The following CRYZ variants were observed in gnomAD, a reference collection of about 807,000 sequenced individuals.
CRYZ encodes the protein crystallin zeta.
In CRYZ, 35 loss-of-function variants were observed where a neutral mutation model predicts 34.1. The ratio of observed to expected loss-of-function variants is 1.03; its 90% confidence interval spans 0.78 to 1.36. The LOEUF (loss-of-function observed/expected upper bound fraction) is 1.36, where lower values mean the gene tolerates loss of function less well. Among genes scored for constraint, CRYZ ranks in the 40% most tolerant of loss-of-function variants. The pLI, the probability that CRYZ is intolerant of heterozygous loss-of-function variation, is 0.00. For missense variants in CRYZ, 403 were observed against 391.8 expected (o/e 1.03, Z -0.24); for synonymous variants, 137 against 136.5 (o/e 1.00, Z -0.03).
chr1:74,717,798 G>A (rs542839123), intron 4 of CRYZ, among the ~76,000 whole-genome samples: 6 of 152,206 alleles, frequency 3.9e-5, no homozygotes, highest in Middle Eastern at 3.4e-3. Flanking sequence ...AGATTCTGCC[G>A]GTCATGGAAT....
intron 5 of CRYZ, among the ~76,000 whole-genome samples, chr1:74,712,141 G>C (rs1647012462): frequency 6.6e-6 from 1 of 152,156 alleles, no homozygotes. Context: ...ATAGACAAAA[G>C]AGCAATTACT....
intron 1 of CRYZ, among the ~76,000 whole-genome samples, chr1:74,731,004 C>T (rs981827145): frequency 1.3e-5 from 2 of 152,168 alleles, no homozygotes; most frequent in Admixed American, 1.3e-4. Context: ...TCCCTAGCAT[C>T]GGATCCTTGT....
chr1:74,722,448 T>C (rs983854619), intron 3 of CRYZ, among the ~76,000 whole-genome samples: 2 of 152,136 alleles, frequency 1.3e-5, no homozygotes, highest in Non-Finnish European at 2.9e-5. Context: ...GAAAGCTGTA[T>C]GAATTTGCCA....
At position 74,706,398 on chromosome 1, in the gene CRYZ, T is replaced by G. The variant is rs1329870631; in HGVS notation, c.888A>C (p.Lys296Asn). The change falls in exon 9 of 9, where the codon AAA becomes AAC. Residue 296 changes from lysine to asparagine, a missense_variant. Transcript: ENST00000340866. ...LQAGMEIGWL[K>N]PVIGSQYPLE... is the part of the protein sequence containing the mutation. ...ATGGATATTGAGAACCTATCACAGG[T>G]TTCAACCAGCCAATTTCCATTCCAG... 1.2e-6 allele frequency: 2 copies of G among 1,612,102 alleles called. No individual in the cohort carries two copies. Among genetic ancestry groups the G allele is most frequent in the South Asian group, 2.2e-5 (2 of 90,724 alleles).
At chr1:74,715,110 C>T (rs1647054362) in intron 4 of CRYZ, among the ~76,000 whole-genome samples, 1 of 152,142 alleles carries the variant, frequency 6.6e-6, no homozygotes, top group Non-Finnish European at 1.5e-5. Context: ...TTTTCTTCTC[C>T]ATGTCTCTGA....
At position 74,706,939 on chromosome 1, in the gene CRYZ, T is replaced by A. The variant is rs1365678163; in HGVS notation, c.788A>T (p.Glu263Val). Residue 263 changes from glutamate to valine, a missense_variant, in exon 8 of 9, where the codon GAG becomes GTG. Coordinates refer to ENST00000340866, the MANE Select transcript of CRYZ (RefSeq NM_001889.4). ...GAGAGTAACTCCAATTATACTCGACTCCTTTGCCATGGTGTCTCGTGGGTT... is the reference window on the plus strand; with the variant it reads ...GAGAGTAACTCCAATTATACTCGACACCTTTGCCATGGTGTCTCGTGGGTT... ...EINPRDTMAK[E>V]SSIIGVTLFS... The A allele has an allele frequency of 6.2e-7, 1 of 1,612,958 alleles. No individual in the cohort carries two copies. Among genetic ancestry groups the A allele is most frequent in the Non-Finnish European group, 8.5e-7 (1 of 1,179,368 alleles).
At chr1:74,721,218 G>A (rs558533675) in intron 3 of CRYZ, among the ~76,000 whole-genome samples, 2 of 152,264 alleles carry the variant, frequency 1.3e-5, no homozygotes, top group African/African-American at 4.8e-5. Flanking sequence ...AAGCTAAAGT[G>A]TAAAATCCTT....
intron 5 of CRYZ, among the ~76,000 whole-genome samples, chr1:74,713,250 A>G (rs1647028388): frequency 6.6e-6 from 1 of 152,196 alleles, no homozygotes; most frequent in Non-Finnish European, 1.5e-5. Context: ...AAGAGGGTAA[A>G]GGGAATATAA....
chr1:74,706,792 C>A, intron 8 of CRYZ, 107 bp downstream of exon 8: 1 of 891,542 alleles, frequency 1.1e-6, no homozygotes, highest in South Asian at 1.4e-5. Context: ...CCAACTCCCA[C>A]TAGTCATATA....
rs534883946 is a variant in CRYZ at position 74,728,360 on chromosome 1, A to G, written c.-13-3526T>C. On this transcript the variant is annotated intron_variant, in intron 1 of 8. Coordinates refer to ENST00000340866, the MANE Select transcript of CRYZ (RefSeq NM_001889.4). ...AGAAAAAAGCAAAGAACATTTGTAC[A>G]GAAAGTTATATAATCTTAGAAAAAT... is the stretch of plus-strand genomic sequence containing the variant. Among the ~76,000 whole-genome samples, 13 of 152,370 alleles carry G rather than the reference A, an allele frequency of 8.5e-5. No homozygotes were observed. The South Asian group carries it at 2.1e-3, about 24-fold the overall frequency.
intron 4 of CRYZ, among the ~76,000 whole-genome samples, chr1:74,718,035 G>A (rs1240635889): frequency 6.6e-6 from 1 of 152,054 alleles, no homozygotes; most frequent in Non-Finnish European, 1.5e-5. Context: ...CCATTAGGAT[G>A]TGTCTCTCAC....
intron 1 of CRYZ, among the ~76,000 whole-genome samples, chr1:74,731,579 A>G (rs566646349): frequency 6.6e-6 from 1 of 152,286 alleles, no homozygotes; most frequent in South Asian, 2.1e-4. Flanking sequence ...CACTTGAGAT[A>G]GGACGGGGTA....
Position 74,706,946 on chromosome 1 carries a change from C to G in CRYZ, c.781G>C (p.Ala261Pro). The change falls in exon 8 of 9, where the codon GCA becomes CCA. Residue 261 changes from alanine (A) to proline (P), a missense_variant. Transcript: ENST00000340866. ...TIEINPRDTM[A>P]KESSIIGVTL... ...ACTCCAATTATACTCGACTCCTTTG[C>G]CATGGTGTCTCGTGGGTTTATTTCA... The G allele has an allele frequency of 1.9e-6, 3 of 1,613,060 alleles. No individual in the cohort carries two copies. Among genetic ancestry groups the G allele is most frequent in the Non-Finnish European group, 2.5e-6 (3 of 1,179,382 alleles).
intron 6 of CRYZ, chr1:74,708,667 C>T (rs1200708107): frequency 6.6e-6 from 1 of 152,060 alleles, no homozygotes; most frequent in Non-Finnish European, 1.5e-5. Context: ...GGGTTTCTGT[C>T]TTGGGCGACC....
At chr1:74,711,775 C>T (rs189681859) in intron 5 of CRYZ, among the ~76,000 whole-genome samples, 1 of 152,198 alleles carries the variant, frequency 6.6e-6, no homozygotes, top group Admixed American at 6.5e-5. Context: ...ATAAAAGAAT[C>T]ACTTGTAACA....
At chr1:74,715,774 G>A (rs1569989215) in intron 4 of CRYZ, among the ~76,000 whole-genome samples, 1 of 152,134 alleles carries the variant, frequency 6.6e-6, no homozygotes, top group Non-Finnish European at 1.5e-5. Context: ...GGCCTGGGGT[G>A]AGGGGAGAAA....
intron 3 of CRYZ, among the ~76,000 whole-genome samples, chr1:74,721,431 C>G (rs148960472): frequency 2.8e-4 from 42 of 152,086 alleles, no homozygotes; most frequent in Non-Finnish European, 5.7e-4. Flanking sequence ...TATTTCATAG[C>G]AATAAGGAAT....
intron 1 of CRYZ, among the ~76,000 whole-genome samples, chr1:74,732,534 C>A (rs1048940520): frequency 6.8e-6 from 1 of 147,858 alleles, no homozygotes; most frequent in Admixed American, 6.8e-5. Flanking sequence ...GACCGCTGGG[C>A]GCTGCTGCAG....
chr1:74,710,167 C>G lies in CRYZ; in HGVS notation c.561G>C (p.Lys187Asn). 16 of 1,613,890 alleles carry G rather than the reference C, an allele frequency of 9.9e-6. No homozygotes were observed. Among genetic ancestry groups the G allele is most frequent in the Non-Finnish European group, 1.4e-5 (16 of 1,179,848 alleles). ...LGTAGTEEGQ[K>N]IVLQNGAHEV... ...CATGGGCTCCATTTTGCAAAACAAT[C>G]TTTTGTCCTTCCTCAGTACCAGCAG... The change falls in exon 6 of 9, where the codon AAG (lysine) becomes AAC (asparagine). Residue 187 changes from lysine to asparagine, a missense_variant. Coordinates refer to ENST00000340866, the MANE Select transcript of CRYZ (RefSeq NM_001889.4).
Sources: gnomAD v4.1 joint callset for allele counts (sites outside exome capture counted in the v4.1 genomes callset) on GRCh38, gnomAD v4.1.1 for gene constraint, MANE v1.5 for transcripts, NCBI Gene and HGNC (gene_info 2026-07-23, HGNC 2026-07-21) for gene names.